LHFPL3: variants seen among roughly 807,000 people sequenced by gnomAD.
LHFPL3 encodes the protein LHFPL tetraspan subfamily member 3.
LHFPL3 carries 5 observed loss-of-function variants against 19.3 expected under a neutral mutation model. The observed-to-expected ratio is 0.26, with a 90% CI of 0.14 to 0.54. The LOEUF (loss-of-function observed/expected upper bound fraction) is 0.54, where lower values mean the gene tolerates loss of function less well. Among genes scored for constraint, LHFPL3 ranks in the 20% least tolerant of loss-of-function variants. LHFPL3 has a pLI of 0.94. For missense variants in LHFPL3, 249 were observed against 307.4 expected, an observed-to-expected ratio of 0.81 and a Z score of 1.42; for synonymous variants, 133 against 126.2, an observed-to-expected ratio of 1.05 and a Z score of -0.36.
intron 1 of LHFPL3, among the ~76,000 whole-genome samples, chr7:104,722,802 G>T (rs1049756706): frequency 6.6e-6 from 1 of 152,182 alleles, no homozygotes; most frequent in Non-Finnish European, 1.5e-5. Flanking sequence ...CTAAGCGGAT[G>T]CAGGTTCCTT....
intron 1 of LHFPL3, among the ~76,000 whole-genome samples, chr7:104,444,896 G>T (rs965896036): frequency 1.3e-5 from 2 of 152,056 alleles, no homozygotes; most frequent in Non-Finnish European, 1.5e-5. Context: ...GCTAAGGCAG[G>T]AGAATCGCTT....
intron 1 of LHFPL3, among the ~76,000 whole-genome samples, chr7:104,465,784 T>C (rs1030904643): frequency 6.6e-6 from 1 of 152,216 alleles, no homozygotes; most frequent in Non-Finnish European, 1.5e-5. Context: ...GAGATTTGGG[T>C]GGGGACACAG....
chr7:104,896,735 C>A lies in LHFPL3; in HGVS notation c.683-9452C>A, dbSNP rs34760408. Among the ~76,000 whole-genome samples, 1,350 of 152,214 alleles carry A rather than the reference C, an allele frequency of 8.9e-3. 10 individuals carry two copies. The highest frequency in any genetic ancestry group is 0.015 in the Non-Finnish European group (987 of 68,004). On this transcript the variant is annotated intron_variant, in intron 2 of 2. Transcript: ENST00000424859. ...TGGAGCAGGGAGAGGCCACAGGAGG[C>A]CTCATTAGCTGTGCTAGGCAGTTAT...
At chr7:104,395,869 TAA>T (rs1791173547) in intron 1 of LHFPL3, among the ~76,000 whole-genome samples, 1 of 152,214 alleles carries the variant, frequency 6.6e-6, no homozygotes, top group Non-Finnish European at 1.5e-5. Flanking sequence ...TCTCAAAAAA[TAA>T]AACTTTCCTT....
At chr7:104,794,184 G>T (rs889210730) in intron 2 of LHFPL3, among the ~76,000 whole-genome samples, 10 of 152,092 alleles carry the variant, frequency 6.6e-5, no homozygotes, top group African/African-American at 2.4e-4. Flanking sequence ...GCTCTAAATA[G>T]CCAACAAATT....
intron 1 of LHFPL3, among the ~76,000 whole-genome samples, chr7:104,408,752 T>G (rs1338659675): frequency 1.3e-5 from 2 of 152,176 alleles, no homozygotes; most frequent in Non-Finnish European, 2.9e-5. Context: ...GTCTGAGGCA[T>G]GTTCTCACTC....
At chr7:104,782,780 C>A (rs1789838943) in intron 2 of LHFPL3, among the ~76,000 whole-genome samples, 1 of 152,236 alleles carries the variant, frequency 6.6e-6, no homozygotes, top group African/African-American at 2.4e-5. Context: ...ACCTTCACCT[C>A]TCACCACATC....
At chr7:104,809,722 T>C (rs1790429595) in intron 2 of LHFPL3, among the ~76,000 whole-genome samples, 1 of 152,216 alleles carries the variant, frequency 6.6e-6, no homozygotes, top group Non-Finnish European at 1.5e-5. Flanking sequence ...AAGAGAAGAC[T>C]CTTACCCATA....
At chr7:104,373,751 T>G (rs894845945) in intron 1 of LHFPL3, among the ~76,000 whole-genome samples, 2 of 152,272 alleles carry the variant, frequency 1.3e-5, no homozygotes, top group African/African-American at 4.8e-5. Context: ...AGATGACAGA[T>G]GTTTCCTATT....
chr7:104,884,561 T>A (rs1792114743), intron 2 of LHFPL3, among the ~76,000 whole-genome samples: 1 of 133,212 alleles, frequency 7.5e-6, no homozygotes, highest in Non-Finnish European at 1.8e-5. Flanking sequence ...CTTAGTAAGA[T>A]CTTTTTTTAA....
At chr7:104,436,387 CAG>C (rs1792106457) in intron 1 of LHFPL3, among the ~76,000 whole-genome samples, 1 of 152,150 alleles carries the variant, frequency 6.6e-6, no homozygotes, top group Non-Finnish European at 1.5e-5. Context: ...CTGATCATCA[CAG>C]AGAGTGAATA....
intron 1 of LHFPL3, among the ~76,000 whole-genome samples, chr7:104,461,321 A>G (rs1353316727): frequency 2.0e-5 from 3 of 152,148 alleles, no homozygotes; most frequent in Admixed American, 6.5e-5. Context: ...ACAATTCAAG[A>G]TGATATTTTG....
chr7:104,717,538 A>G (rs1379097742), intron 1 of LHFPL3, among the ~76,000 whole-genome samples: 1 of 152,198 alleles, frequency 6.6e-6, no homozygotes, highest in South Asian at 2.1e-4. Flanking sequence ...CAAGTGGCCA[A>G]TGGGTATATA....
At chr7:104,414,043 G>T (rs739507) in intron 1 of LHFPL3, among the ~76,000 whole-genome samples, 16,601 of 151,358 alleles carry the variant, frequency 0.11, 1,082 homozygotes, top group East Asian at 0.26. Context: ...AATATTTAAT[G>T]TTAATCCCTT....
At chr7:104,617,679 C>T (rs1791372545) in intron 1 of LHFPL3, among the ~76,000 whole-genome samples, 1 of 152,146 alleles carries the variant, frequency 6.6e-6, no homozygotes, top group African/African-American at 2.4e-5. Context: ...TTTCCCTTTC[C>T]ATCTGAATGT....
At chr7:104,612,771 A>G (rs1202478035) in intron 1 of LHFPL3, among the ~76,000 whole-genome samples, 1 of 152,210 alleles carries the variant, frequency 6.6e-6, no homozygotes, top group African/African-American at 2.4e-5. Flanking sequence ...TACTTTGCTT[A>G]GAGGGACTGA....
chr7:104,347,511 G>A (rs1034559013), intron 1 of LHFPL3, among the ~76,000 whole-genome samples: 8 of 152,120 alleles, frequency 5.3e-5, no homozygotes, highest in Admixed American at 2.0e-4. Context: ...GCTCCTTGTA[G>A]CCTTTTTGCT....
chr7:104,592,379 T>A (rs1347102871), intron 1 of LHFPL3, among the ~76,000 whole-genome samples: 1 of 151,126 alleles, frequency 6.6e-6, no homozygotes, highest in African/African-American at 2.4e-5. Flanking sequence ...TGGAGTTTGC[T>A]GGACGTCCAC....
chr7:104,565,404 AG>A (rs1376745178), intron 1 of LHFPL3, among the ~76,000 whole-genome samples: 17 of 152,350 alleles, frequency 1.1e-4, no homozygotes, highest in African/African-American at 3.6e-4. Flanking sequence ...GTCTTCAAAA[AG>A]CTGTATTTAA....
Sources: allele counts gnomAD v4.1 joint callset (sites outside exome capture counted in the v4.1 genomes callset), GRCh38; gene constraint gnomAD v4.1.1; transcripts MANE v1.5; gene names NCBI Gene and HGNC (gene_info 2026-07-23, HGNC 2026-07-21).